Variants in TENM4 observed in about 807,000 individuals in gnomAD.
The protein encoded by TENM4 is teneurin transmembrane protein 4.
In TENM4, 82 loss-of-function variants were observed where a neutral mutation model predicts 243.3. That is an observed-to-expected ratio of 0.34 (90% CI 0.28 to 0.40). TENM4 has a LOEUF of 0.40. Among genes scored for constraint, TENM4 ranks in the 10% least tolerant of loss-of-function variants. The pLI is 1.00. For missense variants in TENM4, 3,138 were observed against 3,673.3 expected, an observed-to-expected ratio of 0.85 and a Z score of 3.77; for synonymous variants, 1,412 against 1,456.3, an observed-to-expected ratio of 0.97 and a Z score of 0.69.
chr11:79,136,205 C>T (rs1862107311), intron 4 of TENM4, among the ~76,000 whole-genome samples: 1 of 152,080 alleles, frequency 6.6e-6, no homozygotes, highest in South Asian at 2.1e-4. Context: ...ATAATAAAAA[C>T]AAATTTGGGG....
chr11:78,764,322 A>C (rs968130036), intron 18 of TENM4, among the ~76,000 whole-genome samples: 8 of 152,226 alleles, frequency 5.3e-5, no homozygotes, highest in African/African-American at 1.9e-4. Context: ...AATTTGGTCC[A>C]TTATCTTTCT....
chr11:79,365,603 T>C (rs779442009), intron 1 of TENM4, among the ~76,000 whole-genome samples: 33 of 152,158 alleles, frequency 2.2e-4, no homozygotes, highest in Non-Finnish European at 3.8e-4. Flanking sequence ...GACACAATGA[T>C]GAACATGACA....
intron 6 of TENM4, among the ~76,000 whole-genome samples, chr11:78,986,215 A>G (rs12295080): frequency 6.6e-6 from 1 of 152,146 alleles, no homozygotes; most frequent in African/African-American, 2.4e-5. Context: ...GAGATTTCTG[A>G]AAGTTCTATA....
At chr11:78,904,028 T>C (rs1856004567) in intron 6 of TENM4, 1 of 348,122 alleles carries the variant, frequency 2.9e-6, no homozygotes, top group Admixed American at 3.9e-5. Context: ...GCTGATTATA[T>C]ATGATGGTAC....
chr11:78,854,089 G>T lies in TENM4; in HGVS notation c.1681+15C>A. 4.5e-6 allele frequency: 7 copies of T among 1,549,448 alleles called. No individual in the cohort carries two copies. Among genetic ancestry groups the T allele is most frequent in the Non-Finnish European group, 6.1e-6 (7 of 1,145,348 alleles). On this transcript the variant is annotated intron_variant, in intron 12 of 33. Transcript: ENST00000278550. ...GACAATATCCCACAGCCCCCAGAGG[G>T]TGTGGCTCCCTTACCAATGGCAGTG...
At position 79,064,782 on chromosome 11, in the gene TENM4, G is replaced by C; in HGVS notation, c.449C>G (p.Ser150Cys). The C allele has an allele frequency of 6.4e-7, 1 of 1,551,682 alleles. No individual in the cohort carries two copies. Among genetic ancestry groups the C allele is most frequent in the Non-Finnish European group, 8.7e-7 (1 of 1,146,986 alleles). ...RSSCLSSRAN[S>C]NLTLTDTEHE... ...CTCGGTGTCGGTGAGTGTGAGATTG[G>C]AATTGGCCCGGCTGGACAGGCAGGA... The change falls in exon 6 of 34, where the codon TCC becomes TGC. Residue 150 changes from serine (S) to cysteine (C), a missense_variant. Around this residue, in one of 2 missense-constraint regions of TENM4, gnomAD observed 671 missense variants for 614.1 expected, o/e 1.09. Coordinates refer to ENST00000278550, the MANE Select transcript of TENM4 (RefSeq NM_001098816.3).
chr11:79,065,879 G>A (rs1420619053), intron 5 of TENM4, among the ~76,000 whole-genome samples: 1 of 152,202 alleles, frequency 6.6e-6, no homozygotes, highest in Non-Finnish European at 1.5e-5. Flanking sequence ...ACTCCTGCAT[G>A]TGAATTCAAT....
rs756771395 is a variant in TENM4 at position 78,672,174 on chromosome 11, G to A, written c.5652C>T (p.Asn1884=). ...TGTAACCCCCAGGGGAGTATGTCAC[G>A]TTGACACCATTCAGCCTGCTGCTGG... ...WSPSSRLNGV[N]VTYSPGGYIA... is the part of the protein sequence containing the mutation. The change falls in exon 31 of 34, where the codon AAC becomes AAT. Residue 1884 remains asparagine (N), a synonymous_variant. Coordinates refer to ENST00000278550, the MANE Select transcript of TENM4 (RefSeq NM_001098816.3). 27 of 1,613,888 alleles carry A rather than the reference G, an allele frequency of 1.7e-5. No individual in the cohort carries two copies. Among genetic ancestry groups the A allele is most frequent in the Middle Eastern group, 1.6e-4 (1 of 6,084 alleles).
intron 6 of TENM4, among the ~76,000 whole-genome samples, chr11:79,020,271 A>G (rs1858893623): frequency 6.6e-6 from 1 of 152,190 alleles, no homozygotes; most frequent in South Asian, 2.1e-4. Context: ...CAAGATCAAC[A>G]CCGAACACTA....
At chr11:79,406,764 T>G (rs1163379357) in intron 1 of TENM4, among the ~76,000 whole-genome samples, 1 of 152,198 alleles carries the variant, frequency 6.6e-6, no homozygotes, top group African/African-American at 2.4e-5. Flanking sequence ...AAGTCTTATT[T>G]GATAATTCTT....
intron 9 of TENM4, among the ~76,000 whole-genome samples, chr11:78,881,899 T>A (rs1010389478): frequency 2.0e-5 from 3 of 152,220 alleles, no homozygotes; most frequent in African/African-American, 7.2e-5. Flanking sequence ...CCTGTTATAA[T>A]GAGAACAACC....
chr11:78,970,611 A>G (rs893289062), intron 6 of TENM4, among the ~76,000 whole-genome samples: 4 of 152,224 alleles, frequency 2.6e-5, no homozygotes, highest in African/African-American at 9.6e-5. Context: ...TCAACAAAGC[A>G]GTCCAAGATC....
intron 1 of TENM4, among the ~76,000 whole-genome samples, chr11:79,409,369 A>C (rs899086379): frequency 8.5e-5 from 13 of 152,084 alleles, no homozygotes; most frequent in Non-Finnish European, 1.9e-4. Context: ...TCATCTGATG[A>C]GGCATACATT....
intron 4 of TENM4, among the ~76,000 whole-genome samples, chr11:79,084,809 C>T (rs2137037219): frequency 6.6e-6 from 1 of 152,200 alleles, no homozygotes; most frequent in South Asian, 2.1e-4. Flanking sequence ...ATATACTCAC[C>T]TACACATGTG....
chr11:78,677,877 T>C (rs1390933625), intron 29 of TENM4, among the ~76,000 whole-genome samples: 3 of 135,474 alleles, frequency 2.2e-5, no homozygotes, highest in East Asian at 2.2e-4. Context: ...CACCCACTAA[T>C]GTGTCATCTA....
At chr11:79,273,924 G>A (rs1189059390) in intron 2 of TENM4, among the ~76,000 whole-genome samples, 4 of 152,194 alleles carry the variant, frequency 2.6e-5, no homozygotes, top group East Asian at 3.9e-4. Flanking sequence ...CAGGGGCAGC[G>A]GGCTGGCAAG....
At chr11:78,724,472 T>C (rs1048891207) in intron 23 of TENM4, among the ~76,000 whole-genome samples, 2 of 152,244 alleles carry the variant, frequency 1.3e-5, no homozygotes, top group African/African-American at 4.8e-5. Flanking sequence ...ATTTACTTTA[T>C]ATATAGTGTG....
At chr11:78,714,896 G>A (rs147313912) in intron 25 of TENM4, among the ~76,000 whole-genome samples, 117 of 152,292 alleles carry the variant, frequency 7.7e-4, no homozygotes, top group African/African-American at 2.6e-3. Flanking sequence ...ATTGCTGGAC[G>A]ATAGGACATA....
chr11:78,697,457 C>T (rs1269876083), intron 28 of TENM4, among the ~76,000 whole-genome samples: 1 of 152,116 alleles, frequency 6.6e-6, no homozygotes, highest in Non-Finnish European at 1.5e-5. Flanking sequence ...TTTCCTATCC[C>T]CAAGTAAAAA....
Sources: gnomAD v4.1 joint callset for allele counts (sites outside exome capture counted in the v4.1 genomes callset) on GRCh38, gnomAD v4.1.1 for gene constraint, gnomAD v4.1.1 regional missense constraint, MANE v1.5 for transcripts, NCBI Gene and HGNC (gene_info 2026-07-23, HGNC 2026-07-21) for gene names.